SLC27A4: variants seen among roughly 807,000 people sequenced by gnomAD.
The protein encoded by SLC27A4 is solute carrier family 27 member 4, also known as long-chain fatty acid transport protein 4.
Under a neutral mutation model 64.4 loss-of-function variants are expected in SLC27A4, and 33 were observed. The ratio of observed to expected loss-of-function variants is 0.51; its 90% CI spans 0.39 to 0.68. The LOEUF (loss-of-function observed/expected upper bound fraction) is 0.68, where lower values mean the gene tolerates loss of function less well. Ranked by LOEUF, SLC27A4 falls within the 30% of genes least tolerant of loss-of-function variation. SLC27A4 has a pLI of 0.00. For missense variants in SLC27A4, 824 were observed against 883.5 expected, an observed-to-expected ratio of 0.93 and a Z score of 0.85; for synonymous variants, 377 against 370.0, an observed-to-expected ratio of 1.02 and a Z score of -0.22.
rs1479099317 is a variant in SLC27A4, at chr9:128,345,633, T to C, written c.556+84T>C. 2 of 1,456,052 alleles carry C rather than the reference T, an allele frequency of 1.4e-6. No individual in the cohort carries two copies. Among genetic ancestry groups the C allele is most frequent in the Admixed American group, 2.3e-5 (1 of 42,984 alleles). 90.2% of individuals were successfully genotyped at this position (1,456,052 alleles called of 1,614,324 possible). ...AGCTCCCTTCCAGCCCTGCCAAGGC[T>C]GTGTGGGTCAGTGGTTAAGGGCACA... On this transcript the variant is annotated intron_variant, in intron 3 of 12. Coordinates refer to ENST00000300456, the MANE Select transcript of SLC27A4 (RefSeq NM_005094.4). The surrounding 1 kb of genome is among the most constrained non-coding windows in gnomAD (Gnocchi z 4.1).
chr9:128,359,561 G>A (rs577187490), intron 12 of SLC27A4, among the ~76,000 whole-genome samples: 1 of 152,356 alleles, frequency 6.6e-6, no homozygotes, highest in South Asian at 2.1e-4. Flanking sequence ...GGAGGCCGAG[G>A]TTGCAGTGAG....
At position 128,345,003 on chromosome 9, in the gene SLC27A4, T is replaced by C. The variant is rs1476545860; in HGVS notation, c.162-152T>C. On this transcript the variant is annotated intron_variant, in intron 2 of 12. Transcript: ENST00000300456. This position sits in a 1 kb window ranked among gnomAD's most constrained non-coding sequence, Gnocchi z 4.1. ...TTATTGAGAGGCATCAGTAAGGCAG[T>C]GCATGTTCCCAGCAGGAGCCAGGAG... 3 of 810,996 alleles carry C rather than the reference T, an allele frequency of 3.7e-6. No homozygotes were observed. The East Asian group carries it at 8.0e-5, about 22-fold the overall frequency. 50.2% of individuals were successfully genotyped at this position (810,996 alleles called of 1,614,324 possible). A position where few individuals can be genotyped will look rare whatever the true frequency, so the allele number is the denominator to read the frequency against.
intron 7 of SLC27A4, 95 bp from the exon 8 acceptor site, chr9:128,352,930 G>A: frequency 8.2e-7 from 1 of 1,222,600 alleles, no homozygotes; most frequent in South Asian, 1.3e-5. Context: ...GGCATGGCCA[G>A]CCCCTGGGGA....
At chr9:128,360,240 C>T in intron 12 of SLC27A4, 94 bp from the exon 13 acceptor site, 3 of 1,414,336 alleles carry the variant, frequency 2.1e-6, no homozygotes, top group Non-Finnish European at 3.0e-6. Context: ...GTTTGTCCTC[C>T]AGCCCTGCTC....
chr9:128,344,376 A>G (rs777740739), intron 2 of SLC27A4, among the ~76,000 whole-genome samples: 12 of 152,148 alleles, frequency 7.9e-5, no homozygotes, highest in Non-Finnish European at 1.5e-4. Flanking sequence ...AAAGTTAGCC[A>G]GGCATGGTGG....
At chr9:128,352,341 A>T (rs1175726574) in intron 6 of SLC27A4, among the ~76,000 whole-genome samples, 2 of 152,094 alleles carry the variant, frequency 1.3e-5, no homozygotes, top group Non-Finnish European at 2.9e-5. Flanking sequence ...GCTTGTTTGT[A>T]GGGGCTTAAG....
In SLC27A4 at chr9:128,360,627, A is replaced by G. The variant is rs549171857; in HGVS notation, c.*136A>G. ...ATCCTGAGGTGCTGCCCCTCCATCC[A>G]AAACTGCCAAGTGACTCATTGCCTT... On this transcript the variant is annotated 3_prime_UTR_variant, in exon 13 of 13. Transcript: ENST00000300456. The G allele has an allele frequency of 5.2e-4, 448 of 866,136 alleles. No homozygotes were observed. The highest frequency in any genetic ancestry group is 1.4e-5 in the Non-Finnish European group (8 of 552,766). 53.7% of individuals were successfully genotyped at this position (866,136 alleles called of 1,614,324 possible).
At chr9:128,347,207 T>A (rs888555299) in intron 3 of SLC27A4, among the ~76,000 whole-genome samples, 31 of 152,232 alleles carry the variant, frequency 2.0e-4, no homozygotes, top group African/African-American at 7.5e-4. Flanking sequence ...CTGAGGTTGC[T>A]GCTTTCCAAG....
chr9:128,353,305 A>T lies in SLC27A4; in HGVS notation c.1197+71A>T. 2 of 1,607,832 alleles carry T rather than the reference A, an allele frequency of 1.2e-6. No individual in the cohort carries two copies. Among genetic ancestry groups the T allele is most frequent in the South Asian group, 2.2e-5 (2 of 90,918 alleles). ...ACAGAAGGCACTGGATGCAGAGGGG[A>T]GGGCAGAGTTCGAGCGTGAGAGTGT... On this transcript the variant is annotated intron_variant, in intron 8 of 12. Transcript: ENST00000300456. This position sits in a 1 kb window ranked among gnomAD's most constrained non-coding sequence, Gnocchi z 4.9.
rs553603529 is a variant in SLC27A4 at position 128,354,811 on chromosome 9, G to A, written c.1325-242G>A. On this transcript the variant is annotated intron_variant, in intron 9 of 12. Coordinates refer to ENST00000300456, the MANE Select transcript of SLC27A4 (RefSeq NM_005094.4). ...AAAAATAAAAAAAAAAAATTAGCTG[G>A]GCCTGTTGGCGTGTGCCTGTAATCT... Among the ~76,000 whole-genome samples the A allele has an allele frequency of 5.9e-5, 9 of 152,122 alleles. No homozygotes were observed. The South Asian group carries it at 1.9e-3, about 32-fold the overall frequency.
intron 6 of SLC27A4, among the ~76,000 whole-genome samples, chr9:128,351,994 G>A (rs985378623): frequency 1.3e-5 from 2 of 150,774 alleles, no homozygotes; most frequent in Non-Finnish European, 3.0e-5. Flanking sequence ...AGACCATCCT[G>A]GCTAACACGA....
chr9:128,346,704 A>T (rs1564399731), intron 3 of SLC27A4, among the ~76,000 whole-genome samples: 2 of 151,786 alleles, frequency 1.3e-5, no homozygotes, highest in Non-Finnish European at 2.9e-5. Context: ...CCTGTCTCAA[A>T]AAAAACAAAA....
chr9:128,353,601 C>A lies in SLC27A4; in HGVS notation c.1324+60C>A. ...GCCTGGGAAGGAAGGAGGCCAGGCG[C>A]GTGTGGATGGGGAGCCTTGTTCTGA... On this transcript the variant is annotated intron_variant, in intron 9 of 12. Coordinates refer to ENST00000300456, the MANE Select transcript of SLC27A4 (RefSeq NM_005094.4). This position sits in a 1 kb window ranked among gnomAD's most constrained non-coding sequence, Gnocchi z 4.9. 6.3e-7 allele frequency: 1 copy of A among 1,581,220 alleles called. No individual in the cohort carries two copies. The highest frequency in any genetic ancestry group is 8.6e-7 in the Non-Finnish European group (1 of 1,156,930).
At chr9:128,352,871 A>C in intron 7 of SLC27A4, 124 bp downstream of exon 7, 1 of 1,065,394 alleles carries the variant, frequency 9.4e-7, no homozygotes, top group Non-Finnish European at 1.4e-6. Flanking sequence ...TTTGTGGCAA[A>C]GTTCCCATTG....
intron 1 of SLC27A4, among the ~76,000 whole-genome samples, chr9:128,341,400 AG>A (rs1236793169): frequency 6.6e-6 from 1 of 152,212 alleles, no homozygotes; most frequent in Admixed American, 6.5e-5. Flanking sequence ...AGCTCAACCC[AG>A]CCCCTGAAGC....
At chr9:128,359,540 G>A (rs892773467) in intron 12 of SLC27A4, among the ~76,000 whole-genome samples, 4 of 152,306 alleles carry the variant, frequency 2.6e-5, no homozygotes, top group Middle Eastern at 3.4e-3. Flanking sequence ...CAGGAGAATC[G>A]CCTGAACCCG....
In SLC27A4 at chr9:128,350,455, G is replaced by A. The variant is rs17848329; in HGVS notation, c.786-29G>A. The A allele has an allele frequency of 1.7e-5, 28 of 1,611,532 alleles. No homozygotes were observed. In the East Asian group the frequency reaches 3.3e-4, roughly 19 times the overall value. On this transcript the variant is annotated intron_variant, in intron 5 of 12. Transcript: ENST00000300456. Reference sequence around the variant, plus strand: ...GCCTCCTTCTGCCTTTCTAGGGCCCGCTCAGCCCTTGGCCCTGTGCCTTCC... The same window carrying A: ...GCCTCCTTCTGCCTTTCTAGGGCCCACTCAGCCCTTGGCCCTGTGCCTTCC...
chr9:128,343,559 C>T (rs541054162), intron 2 of SLC27A4, among the ~76,000 whole-genome samples: 1 of 152,332 alleles, frequency 6.6e-6, no homozygotes, highest in East Asian at 1.9e-4. Context: ...GTACATTGAA[C>T]ACCAAGTGTG....
chr9:128,343,074 A>G (rs1462024233), intron 1 of SLC27A4, 53 bp from the exon 2 acceptor site: 11 of 1,602,938 alleles, frequency 6.9e-6, no homozygotes, highest in Admixed American at 3.4e-5. Flanking sequence ...GCTGGGAGGT[A>G]GGAGACCTGG....
Sources: allele counts gnomAD v4.1 joint callset (sites outside exome capture counted in the v4.1 genomes callset), GRCh38; gene constraint gnomAD v4.1.1; non-coding constraint Gnocchi (gnomAD v3.1); transcripts MANE v1.5; gene names NCBI Gene and HGNC (gene_info 2026-07-23, HGNC 2026-07-21).